FBXL17: variants seen among roughly 807,000 people sequenced by gnomAD.
FBXL17 encodes the protein F-box and leucine rich repeat protein 17, also known as F-box/LRR-repeat protein 17.
FBXL17 carries 22 observed loss-of-function variants against 66.2 expected under a neutral mutation model. The observed-to-expected ratio is 0.33, with a 90% CI of 0.24 to 0.47. The LOEUF (loss-of-function observed/expected upper bound fraction) is 0.47. FBXL17 is among the 20% of genes least tolerant of loss of function. The pLI is 1.00. For synonymous variants in FBXL17, 474 were observed against 400.5 expected (o/e 1.18, Z -2.19); for missense variants, 878 against 948.2 (o/e 0.93, Z 0.97).
At chr5:107,949,622 G>A (rs185551288) in intron 7 of FBXL17, among the ~76,000 whole-genome samples, 150 of 152,280 alleles carry the variant, frequency 9.9e-4, no homozygotes, top group African/African-American at 3.5e-3. Flanking sequence ...AAAGTTTTAC[G>A]TACAGGCTGA....
At chr5:108,161,698 C>T (rs1307957193) in intron 6 of FBXL17, among the ~76,000 whole-genome samples, 1 of 152,196 alleles carries the variant, frequency 6.6e-6, no homozygotes, top group Non-Finnish European at 1.5e-5. Flanking sequence ...TATTCATTTT[C>T]TCCACATATG....
At chr5:108,198,223 T>C (rs147355232) in intron 5 of FBXL17, among the ~76,000 whole-genome samples, 70 of 152,246 alleles carry the variant, frequency 4.6e-4, no homozygotes, top group African/African-American at 1.6e-3. Flanking sequence ...AACCTAGGCA[T>C]TCAGCAGCAG....
intron 6 of FBXL17, among the ~76,000 whole-genome samples, chr5:108,104,674 T>C (rs1476145886): frequency 6.6e-6 from 1 of 152,172 alleles, no homozygotes; most frequent in African/African-American, 2.4e-5. Context: ...AAGTGAGTCA[T>C]TCAGTGAGTG....
At chr5:108,277,835 T>C (rs1224957592) in intron 4 of FBXL17, among the ~76,000 whole-genome samples, 3 of 152,248 alleles carry the variant, frequency 2.0e-5, no homozygotes, top group Admixed American at 6.5e-5. Flanking sequence ...TACTACACTG[T>C]ATTCTATTAA....
rs549840338 is a variant in FBXL17 at position 107,859,390 on chromosome 5, G to GTTTTTTTTTTTTTTTTTT, written c.*2312_*2329dup. 1.0e-4 allele frequency: 6 copies of GTTTTTTTTTTTTTTTTTT among 60,184 alleles called. No individual in the cohort carries two copies. Among genetic ancestry groups the GTTTTTTTTTTTTTTTTTT allele is most frequent in the African/African-American group, 2.1e-4 (3 of 14,486 alleles). The allele number at this position is 60,184 out of a possible 1,614,324, so 3.7% of individuals were successfully genotyped here. Reference sequence around the variant, plus strand: ...CTCAAGGTGATGCTTTTTTCTGGCTGTTTTTTTTTTTTTTTTTTTTTTTTT... The same window carrying GTTTTTTTTTTTTTTTTTT: ...CTCAAGGTGATGCTTTTTTCTGGCTGTTTTTTTTTTTTTTTTTTTTTTTTTTTTTTTTTTTTTTTTTTT... On this transcript the variant is annotated 3_prime_UTR_variant, in exon 9 of 9. Coordinates refer to ENST00000542267, the MANE Select transcript of FBXL17 (RefSeq NM_001163315.3).
intron 5 of FBXL17, among the ~76,000 whole-genome samples, chr5:108,197,465 C>G (rs1209869085): frequency 6.6e-6 from 1 of 152,112 alleles, no homozygotes; most frequent in Non-Finnish European, 1.5e-5. Context: ...GTCACTTGCA[C>G]TCATGGATCA....
At chr5:107,996,404 T>C (rs1333354480) in intron 7 of FBXL17, among the ~76,000 whole-genome samples, 2 of 152,190 alleles carry the variant, frequency 1.3e-5, no homozygotes, top group African/African-American at 4.8e-5. Context: ...AGCCTCTGCC[T>C]CCTGGGTTCA....
At chr5:108,145,128 T>A (rs10076114) in intron 6 of FBXL17, among the ~76,000 whole-genome samples, 1 of 152,164 alleles carries the variant, frequency 6.6e-6, no homozygotes, top group Non-Finnish European at 1.5e-5. Context: ...TTCCATATAC[T>A]TTGATATACT....
intron 6 of FBXL17, among the ~76,000 whole-genome samples, chr5:108,108,780 G>GTT (rs201883285): frequency 0.011 from 1,376 of 122,050 alleles, 66 homozygotes; most frequent in African/African-American, 0.037. Context: ...CTCACACTTT[G>GTT]TTTTTGTTTT....
intron 3 of FBXL17, among the ~76,000 whole-genome samples, chr5:108,350,785 T>C (rs1747594398): frequency 6.6e-6 from 1 of 152,200 alleles, no homozygotes; most frequent in South Asian, 2.1e-4. Flanking sequence ...GACATACAAG[T>C]TATCAAAAGA....
At chr5:108,133,751 T>C (rs909694454) in intron 6 of FBXL17, among the ~76,000 whole-genome samples, 3 of 152,156 alleles carry the variant, frequency 2.0e-5, no homozygotes, top group Admixed American at 6.5e-5. Context: ...GAGTCAAATA[T>C]CTCAGCTAGA....
At chr5:108,150,644 T>A (rs1339201563) in intron 6 of FBXL17, among the ~76,000 whole-genome samples, 1 of 152,246 alleles carries the variant, frequency 6.6e-6, no homozygotes, top group Non-Finnish European at 1.5e-5. Flanking sequence ...ATCAGTTGTC[T>A]TGTGGGACAT....
intron 6 of FBXL17, among the ~76,000 whole-genome samples, chr5:108,164,443 T>C (rs34424): frequency 0.23 from 34,718 of 152,054 alleles, 4,504 homozygotes; most frequent in East Asian, 0.53. Context: ...CTGCTTTATT[T>C]AACCTAATTA....
At chr5:107,956,526 T>C (rs1190879554) in intron 7 of FBXL17, among the ~76,000 whole-genome samples, 1 of 152,198 alleles carries the variant, frequency 6.6e-6, no homozygotes, top group Non-Finnish European at 1.5e-5. Flanking sequence ...TTGGGCAAGT[T>C]ACTTAAACTC....
intron 6 of FBXL17, among the ~76,000 whole-genome samples, chr5:108,091,965 T>C (rs1478757063): frequency 1.3e-5 from 2 of 152,274 alleles, no homozygotes; most frequent in Admixed American, 1.3e-4. Context: ...ATGTTTTCTT[T>C]GTTAATTTAG....
chr5:108,339,429 C>A (rs1746733671), intron 4 of FBXL17, among the ~76,000 whole-genome samples: 1 of 152,138 alleles, frequency 6.6e-6, no homozygotes, highest in Non-Finnish European at 1.5e-5. Context: ...AAGTCTTTAT[C>A]TCAACCCACT....
chr5:108,329,921 T>C (rs923299073), intron 4 of FBXL17, among the ~76,000 whole-genome samples: 40 of 152,182 alleles, frequency 2.6e-4, no homozygotes, highest in Middle Eastern at 3.4e-3. Flanking sequence ...AAATACAACA[T>C]AATAGGAAAT....
chr5:108,050,623 C>T (rs1242663805), intron 6 of FBXL17, among the ~76,000 whole-genome samples: 2 of 151,964 alleles, frequency 1.3e-5, no homozygotes, highest in African/African-American at 4.8e-5. Flanking sequence ...AATAGACACC[C>T]TAACATCACA....
chr5:108,019,893 C>A (rs528734896), intron 7 of FBXL17, among the ~76,000 whole-genome samples: 34 of 151,778 alleles, frequency 2.2e-4, no homozygotes, highest in African/African-American at 8.0e-4. Flanking sequence ...AAGACATATT[C>A]TCCAAGATAA....
Sources: gnomAD v4.1 joint callset for allele counts (sites outside exome capture counted in the v4.1 genomes callset) on GRCh38, gnomAD v4.1.1 for gene constraint, MANE v1.5 for transcripts, NCBI Gene and HGNC (gene_info 2026-07-23, HGNC 2026-07-21) for gene names.